Variants in SMIM35 observed in about 807,000 individuals in gnomAD.
SMIM35 encodes TMPRSS4 antisense RNA 1 (non-protein coding).
At chr11:118,073,208 G>A (rs1369269328) in intron 1 of SMIM35, among the ~76,000 whole-genome samples, 1 of 152,200 alleles carries the variant, frequency 6.6e-6, no homozygotes, top group African/African-American at 2.4e-5. Context: ...AAAGTGCTGG[G>A]AATACAGGCA....
intron 4 of SMIM35, among the ~76,000 whole-genome samples, chr11:118,010,318 C>T (rs943820332): frequency 6.6e-6 from 1 of 152,196 alleles, no homozygotes; most frequent in African/African-American, 2.4e-5. Context: ...TCCAATGCCA[C>T]TGGCATGGGA....
chr11:118,061,504 A>C (rs1431669768), intron 1 of SMIM35, among the ~76,000 whole-genome samples: 1 of 152,148 alleles, frequency 6.6e-6, no homozygotes, highest in Non-Finnish European at 1.5e-5. Context: ...TCTTGGCATT[A>C]GTGCTCCAGG....
chr11:118,080,563 CCTCCTCTCAGT>C (rs1359633971), intron 1 of SMIM35, among the ~76,000 whole-genome samples: 1 of 152,190 alleles, frequency 6.6e-6, no homozygotes, highest in Non-Finnish European at 1.5e-5. Context: ...AGGCCTCTCT[CCTCCTCTCAGT>C]CTTCCCTCAG....
chr11:118,040,237 C>T (rs1943978072), intron 1 of SMIM35, among the ~76,000 whole-genome samples: 1 of 151,876 alleles, frequency 6.6e-6, no homozygotes, highest in Non-Finnish European at 1.5e-5. Flanking sequence ...AGTAAATAAC[C>T]TCCACATCCA....
intron 1 of SMIM35, among the ~76,000 whole-genome samples, chr11:118,055,383 C>T (rs573127321): frequency 4.6e-5 from 7 of 152,292 alleles, no homozygotes; most frequent in African/African-American, 1.7e-4. Context: ...AAGGACCCCA[C>T]CAGCTGTTCC....
chr11:118,081,391 C>A (rs1316481100), intron 1 of SMIM35, among the ~76,000 whole-genome samples: 1 of 152,200 alleles, frequency 6.6e-6, no homozygotes, highest in East Asian at 1.9e-4. Flanking sequence ...ACGCCACCTC[C>A]CAGCCTGCCA....
chr11:118,071,804 T>C (rs553064381), intron 1 of SMIM35, among the ~76,000 whole-genome samples: 3 of 152,248 alleles, frequency 2.0e-5, no homozygotes, highest in South Asian at 2.1e-4. Context: ...ACAGCATTGC[T>C]CAAACTTTAA....
At chr11:118,069,233 T>C (rs1046093625) in intron 1 of SMIM35, among the ~76,000 whole-genome samples, 1 of 152,232 alleles carries the variant, frequency 6.6e-6, no homozygotes, top group African/African-American at 2.4e-5. Context: ...AACACTTTGT[T>C]TGCAAGGTTA....
chr11:118,037,111 C>G (rs2058365352), intron 1 of SMIM35, among the ~76,000 whole-genome samples: 1 of 151,412 alleles, frequency 6.6e-6, no homozygotes, highest in Non-Finnish European at 1.5e-5. Flanking sequence ...TCAGTCCCCC[C>G]TCTCAACAGG....
chr11:118,042,892 T>C (rs1020328754), intron 1 of SMIM35, among the ~76,000 whole-genome samples: 2 of 152,224 alleles, frequency 1.3e-5, no homozygotes, highest in Admixed American at 1.3e-4. Flanking sequence ...AGTAGAATTT[T>C]TTAAATCACA....
intron 1 of SMIM35, among the ~76,000 whole-genome samples, chr11:118,032,137 G>A (rs1404773224): frequency 1.3e-5 from 2 of 152,130 alleles, no homozygotes; most frequent in Non-Finnish European, 2.9e-5. Flanking sequence ...AGAAGATTGA[G>A]AAAATGCTCC....
chr11:118,051,542 G>A (rs1159571033), intron 1 of SMIM35, among the ~76,000 whole-genome samples: 2 of 152,238 alleles, frequency 1.3e-5, no homozygotes, highest in African/African-American at 4.8e-5. Context: ...TCAGGGCTGA[G>A]TCTCAGCGAT....
At chr11:118,014,591 G>C (rs2058169045) in intron 3 of SMIM35, 117 bp downstream of exon 3, 9 of 397,852 alleles carry the variant, frequency 2.3e-5, no homozygotes, top group Non-Finnish European at 3.5e-5. Context: ...TTTTCTTAGG[G>C]GCATGAACAG....
At chr11:118,056,075 T>C (rs551946676) in intron 1 of SMIM35, among the ~76,000 whole-genome samples, 1 of 151,986 alleles carries the variant, frequency 6.6e-6, no homozygotes, top group South Asian at 2.1e-4. Context: ...ACGGTTCCCT[T>C]AAGGTTCCAT....
chr11:118,033,501 G>C (rs1373334046), intron 1 of SMIM35, among the ~76,000 whole-genome samples: 1 of 152,040 alleles, frequency 6.6e-6, no homozygotes, highest in African/African-American at 2.4e-5. Context: ...TCTCTGTATA[G>C]TCAAGGGGTT....
chr11:118,034,889 T>C (rs1294822693), intron 1 of SMIM35, among the ~76,000 whole-genome samples: 1 of 152,162 alleles, frequency 6.6e-6, no homozygotes, highest in African/African-American at 2.4e-5. Context: ...TATGTGTCCA[T>C]TAGACTTGCC....
intron 4 of SMIM35, among the ~76,000 whole-genome samples, chr11:118,006,843 T>A (rs2058124314): frequency 6.6e-6 from 1 of 152,150 alleles, no homozygotes; most frequent in African/African-American, 2.4e-5. Flanking sequence ...AACTCTTGGG[T>A]GTTGTAGGAA....
chr11:118,056,973 A>G (rs761351309), intron 1 of SMIM35, among the ~76,000 whole-genome samples: 12 of 152,128 alleles, frequency 7.9e-5, no homozygotes, highest in Non-Finnish European at 1.2e-4. Context: ...CAGGCCACAC[A>G]TTTCCATGAG....
intron 1 of SMIM35, among the ~76,000 whole-genome samples, chr11:118,053,307 AACACACACACAC>A (rs57912361): frequency 0.22 from 30,784 of 142,004 alleles, 3,852 homozygotes; most frequent in Non-Finnish European, 0.29. Flanking sequence ...GACTCTCTAA[AACACACACACAC>A]ACACACACAC....
Sources: gnomAD v4.1 joint callset for allele counts (sites outside exome capture counted in the v4.1 genomes callset) on GRCh38, gnomAD v4.1.1 for gene constraint, MANE v1.5 for transcripts, NCBI Gene and HGNC (gene_info 2026-07-23, HGNC 2026-07-21) for gene names.